The following MAEA variants were observed in gnomAD, a reference collection of about 807,000 sequenced individuals.
MAEA encodes macrophage erythroblast attacher, E3 ubiquitin ligase.
MAEA carries 22 observed loss-of-function variants against 46.2 expected under a neutral mutation model. The ratio of observed to expected loss-of-function variants is 0.48; its 90% CI spans 0.34 to 0.68. The LOEUF (loss-of-function observed/expected upper bound fraction) is 0.68, where lower values mean the gene tolerates loss of function less well. MAEA is among the 30% of genes least tolerant of loss of function. The probability of loss-of-function intolerance (pLI) is 0.01; values close to 1 mark genes in which losing one functional copy is unlikely to be tolerated. For missense variants in MAEA, 393 were observed against 558.1 expected, an observed-to-expected ratio of 0.70 and a Z score of 2.98; for synonymous variants, 246 against 222.6, an observed-to-expected ratio of 1.11 and a Z score of -0.94.
chr4:1,299,699 A>T (rs1735128666), intron 1 of MAEA: 1 of 152,308 alleles, frequency 6.6e-6, no homozygotes, highest in Non-Finnish European at 1.5e-5. Flanking sequence ...CCTTCCACAG[A>T]TGTCCATGGT....
chr4:1,300,177 A>C (rs1577137639), intron 1 of MAEA, among the ~76,000 whole-genome samples: 2 of 152,332 alleles, frequency 1.3e-5, no homozygotes, highest in East Asian at 3.9e-4. Context: ...CAGACGATCC[A>C]ACAGCATCCT....
chr4:1,315,280 C>A, intron 2 of MAEA, 117 bp from the exon 3 acceptor site: 1 of 970,144 alleles, frequency 1.0e-6, no homozygotes, highest in Non-Finnish European at 1.6e-6. Context: ...TTTTTTCTGT[C>A]CCGTAATCCC....
intron 1 of MAEA, among the ~76,000 whole-genome samples, chr4:1,307,213 C>T (rs4974595): frequency 0.082 from 12,476 of 152,224 alleles, 1,167 homozygotes; most frequent in East Asian, 0.42. Flanking sequence ...CCATTTATAG[C>T]GTAGACACCG....
Position 1,339,921 on chromosome 4 carries a change from G to T in MAEA, c.*752G>T, listed in dbSNP as rs1334247320. On this transcript the variant is annotated 3_prime_UTR_variant, in exon 9 of 9. Transcript: ENST00000303400. ...ATTTCTGCAGAGGCCTTGCCGGATG[G>T]TTCCATAACTGTAGAGTCTAATTGC... 1 of 152,706 alleles carries T rather than the reference G, an allele frequency of 6.5e-6. No individual in the cohort carries two copies. Among genetic ancestry groups the T allele is most frequent in the Non-Finnish European group, 1.5e-5 (1 of 68,088 alleles). The allele number at this position is 152,706 out of a possible 1,614,324, so 9.5% of individuals were successfully genotyped here. A position where few individuals can be genotyped will look rare whatever the true frequency, so the allele number is the denominator to read the frequency against.
chr4:1,298,057 G>A (rs891585913), intron 1 of MAEA: 13 of 456,142 alleles, frequency 2.8e-5, no homozygotes, highest in Non-Finnish European at 5.7e-5. Flanking sequence ...AGTGGGTGTC[G>A]AGTACTGCCT....
At position 1,289,922 on chromosome 4, in the gene MAEA, G is replaced by GC; in HGVS notation, c.10dup (p.Gln4ProfsTer38). ...GTTTTGGCCGCTTCAAGATGGCGGT[G>GC]CAGGAGTCGGCGGCTCAGTTGTCCA... On this transcript the variant is annotated frameshift_variant, in exon 1 of 9. Coordinates refer to ENST00000303400, the MANE Select transcript of MAEA (RefSeq NM_001017405.3). LOFTEE classifies it high-confidence loss of function. 6.3e-7 allele frequency: 1 copy of GC among 1,599,956 alleles called. No homozygotes were observed. Among genetic ancestry groups the GC allele is most frequent in the Non-Finnish European group, 8.5e-7 (1 of 1,172,768 alleles).
chr4:1,315,653 G>A (rs959502523), intron 3 of MAEA, 53 bp downstream of exon 3: 9 of 1,583,232 alleles, frequency 5.7e-6, no homozygotes, highest in African/African-American at 4.0e-5. Context: ...CAGGCCTATG[G>A]CCAGCCGCCC....
rs6826688 is a variant in MAEA, at chr4:1,320,554, C to A, written c.457-1827C>A. On this transcript the variant is annotated intron_variant, in intron 3 of 8. Coordinates refer to ENST00000303400, the MANE Select transcript of MAEA (RefSeq NM_001017405.3). Reference sequence around the variant, plus strand: ...CAGAAAAGAAATCATCAAAGCAAACCTGCAAGAAAATGCTATGAAGGGGCT... The same window carrying A: ...CAGAAAAGAAATCATCAAAGCAAACATGCAAGAAAATGCTATGAAGGGGCT... Among the ~76,000 whole-genome samples the A allele has an allele frequency of 4.2e-4, 59 of 140,108 alleles. 1 individual carries two copies. Among genetic ancestry groups the A allele is most frequent in the Middle Eastern group, 4.3e-3 (1 of 232 alleles). 91.9% of individuals were successfully genotyped at this position (140,108 alleles called of 152,430 possible).
At chr4:1,298,464 C>G (rs766078901) in intron 1 of MAEA, among the ~76,000 whole-genome samples, 1 of 143,286 alleles carries the variant, frequency 7.0e-6, no homozygotes, top group African/African-American at 2.9e-5. Context: ...GCGGGACCCA[C>G]AGGTCCCCTC....
intron 1 of MAEA, among the ~76,000 whole-genome samples, chr4:1,310,592 G>C (rs1221054216): frequency 1.3e-5 from 2 of 152,250 alleles, no homozygotes; most frequent in Admixed American, 6.5e-5. Context: ...TTGCTCACCA[G>C]CAAGGGTGAG....
Position 1,332,858 on chromosome 4 carries a change from C to G in MAEA, c.758C>G (p.Pro253Arg). 1 of 1,611,192 alleles carries G rather than the reference C, an allele frequency of 6.2e-7. No individual in the cohort carries two copies. Among genetic ancestry groups the G allele is most frequent in the Non-Finnish European group, 8.5e-7 (1 of 1,178,440 alleles). Residue 253 changes from proline (P) to arginine (R), a missense_variant, in exon 6 of 9, where the codon CCG (proline) becomes CGG (arginine). Physicochemically the swap from Pro to Arg is moderately radical, Grantham distance 103. Coordinates refer to ENST00000303400, the MANE Select transcript of MAEA (RefSeq NM_001017405.3). ...LAFPPDTHIS[P>R]YKDLLDPARW... The stretch of plus-strand genomic sequence containing the variant: ...TTCCCGCCCGACACGCACATCTCCC[C>G]GTACAAGGTAGGGCGTGCGTCCCTG...
At chr4:1,316,305 C>T in intron 3 of MAEA, among the ~76,000 whole-genome samples, 1 of 150,830 alleles carries the variant, frequency 6.6e-6, no homozygotes, top group Non-Finnish European at 1.5e-5. Context: ...GGCCTCTCTG[C>T]CATCGGGCAG....
intron 1 of MAEA, chr4:1,309,687 C>A (rs1486558699): frequency 1.3e-6 from 2 of 1,531,226 alleles, no homozygotes; most frequent in South Asian, 2.4e-5. Flanking sequence ...GTGGGGTCTT[C>A]CAGTTGTGAA....
chr4:1,310,104 C>A, intron 1 of MAEA: 1 of 832,114 alleles, frequency 1.2e-6, no homozygotes, highest in Non-Finnish European at 1.5e-6. Context: ...GAGGCGCCTG[C>A]ACAGGCAGAG....
chr4:1,312,866 G>A (rs200332622), intron 2 of MAEA, among the ~76,000 whole-genome samples: 3 of 152,298 alleles, frequency 2.0e-5, no homozygotes, highest in East Asian at 3.9e-4. Flanking sequence ...ATCTTGAAAC[G>A]TCGCACTGAA....
chr4:1,338,273 TC>T, intron 7 of MAEA, 148 bp from the exon 8 acceptor site: 1 of 600,666 alleles, frequency 1.7e-6, no homozygotes, highest in Non-Finnish European at 2.9e-6. Context: ...GTGCAGCACT[TC>T]CTGTGCCTCG....
At chr4:1,317,591 C>T (rs977719534) in intron 3 of MAEA, among the ~76,000 whole-genome samples, 3 of 152,052 alleles carry the variant, frequency 2.0e-5, no homozygotes, top group South Asian at 2.1e-4. Context: ...AGGGGAGTGG[C>T]GAGCAGCTGC....
chr4:1,303,843 A>G (rs1735566386), intron 1 of MAEA, among the ~76,000 whole-genome samples: 1 of 150,196 alleles, frequency 6.7e-6, no homozygotes, highest in Non-Finnish European at 1.5e-5. Context: ...ATTCAGCTTA[A>G]TAGACAACTG....
Position 1,339,262 on chromosome 4 carries a change from C to T in MAEA, c.*93C>T, listed in dbSNP as rs901995192. On this transcript the variant is annotated 3_prime_UTR_variant, in exon 9 of 9. Coordinates refer to ENST00000303400, the MANE Select transcript of MAEA (RefSeq NM_001017405.3). Reference sequence around the variant, plus strand: ...TGTCCCACGCTCCAGCCTGCCGCGGCGTTTCTGTTTCTTGCGACCAAAGAT... The same window carrying T: ...TGTCCCACGCTCCAGCCTGCCGCGGTGTTTCTGTTTCTTGCGACCAAAGAT... The T allele has an allele frequency of 1.1e-5, 10 of 892,226 alleles. No homozygotes were observed. The highest frequency in any genetic ancestry group is 2.4e-5 in the East Asian group (1 of 40,950). The allele number at this position is 892,226 out of a possible 1,614,324, so 55.3% of individuals were successfully genotyped here.
Sources: gnomAD v4.1 joint callset for allele counts (sites outside exome capture counted in the v4.1 genomes callset) on GRCh38, gnomAD v4.1.1 for gene constraint, MANE v1.5 for transcripts, NCBI Gene and HGNC (gene_info 2026-07-23, HGNC 2026-07-21) for gene names.